The following SH3KBP1 variants were observed in gnomAD, a reference collection of about 807,000 sequenced individuals.
SH3KBP1 encodes the protein SH3 domain-containing kinase-binding protein 1.
In SH3KBP1, 8 loss-of-function variants were observed where a neutral mutation model predicts 50.1. That is an observed-to-expected ratio of 0.16 (90% CI 0.09 to 0.29). The LOEUF (loss-of-function observed/expected upper bound fraction) is 0.29, where lower values mean the gene tolerates loss of function less well. SH3KBP1 is among the 10% of genes least tolerant of loss of function. SH3KBP1 has a pLI of 1.00. For synonymous variants in SH3KBP1, 227 were observed against 218.6 expected (o/e 1.04, Z -0.34); for missense variants, 377 against 535.2 (o/e 0.70, Z 2.92).
At chrX:19,543,280 G>A (rs918452022) in intron 15 of SH3KBP1, among the ~76,000 whole-genome samples, 4 of 111,680 alleles carry the variant, frequency 3.6e-5, no homozygotes, top group East Asian at 2.8e-4. Flanking sequence ...ACCAGGCATC[G>A]AGATTGTACC....
At chrX:19,542,730 G>C (rs1166864615) in intron 15 of SH3KBP1, among the ~76,000 whole-genome samples, 2 of 112,091 alleles carry the variant, frequency 1.8e-5, no homozygotes, top group Non-Finnish European at 3.8e-5. Flanking sequence ...CCAGAGGAAA[G>C]GAGGGGCACT....
intron 4 of SH3KBP1, 51 bp downstream of exon 4, chrX:19,706,830 G>T: frequency 1.0e-6 from 1 of 988,681 alleles, no homozygotes; most frequent in Non-Finnish European, 1.4e-6. Context: ...GGTAAGCAGT[G>T]ACTATGACAG....
chrX:19,542,624 A>G (rs932490935), intron 15 of SH3KBP1, among the ~76,000 whole-genome samples: 4 of 111,405 alleles, frequency 3.6e-5, no homozygotes, highest in African/African-American at 6.5e-5. Flanking sequence ...GAGCATACAG[A>G]GCCCCAGAAA....
intron 4 of SH3KBP1, among the ~76,000 whole-genome samples, chrX:19,701,421 T>G (rs1053566868): frequency 9.0e-6 from 1 of 111,393 alleles, no homozygotes; most frequent in Non-Finnish European, 1.9e-5. Flanking sequence ...CCCATTTCAT[T>G]GCATCCACCA....
intron 10 of SH3KBP1, among the ~76,000 whole-genome samples, chrX:19,593,031 C>T: frequency 8.9e-6 from 1 of 112,209 alleles, no homozygotes; most frequent in East Asian, 2.8e-4. Flanking sequence ...TTTATGCCAC[C>T]AAATTTGGGG....
At chrX:19,753,965 G>C (rs1319463681) in intron 2 of SH3KBP1, among the ~76,000 whole-genome samples, 2 of 112,192 alleles carry the variant, frequency 1.8e-5, no homozygotes, top group African/African-American at 3.2e-5. Context: ...AAAATATGCT[G>C]ATGCTCAGAA....
Position 19,608,003 on chromosome X carries a change from T to G in SH3KBP1, c.940A>C (p.Arg314=). The G allele has an allele frequency of 8.3e-6, 10 of 1,211,670 alleles. No homozygotes were observed. The highest frequency in any genetic ancestry group is 1.1e-5 in the Non-Finnish European group (10 of 895,336). ...VGWWEGELNG[R]RGVFPDNFVK... ...AAGTTATCGGGGAACACGCCTCGTC[T>G]GCCGTTCAGCTCTCCTTCCCACCAG... Residue 314 remains arginine, a synonymous_variant, in exon 9 of 18, where the codon AGA becomes CGA. Transcript: ENST00000397821.
chrX:19,586,000 C>T (rs773709848), intron 12 of SH3KBP1, among the ~76,000 whole-genome samples: 9 of 112,233 alleles, frequency 8.0e-5, no homozygotes, highest in Admixed American at 6.6e-4. Flanking sequence ...CTCTCCCAGG[C>T]TGCTCAGATG....
intron 2 of SH3KBP1, among the ~76,000 whole-genome samples, chrX:19,748,735 A>C (rs2064990079): frequency 9.0e-6 from 1 of 110,819 alleles, no homozygotes; most frequent in African/African-American, 3.3e-5. Context: ...ATAACACCCA[A>C]GCTCAATGCA....
At chrX:19,829,809 C>T (rs1188854380) in intron 2 of SH3KBP1, among the ~76,000 whole-genome samples, 2 of 110,744 alleles carry the variant, frequency 1.8e-5, no homozygotes, top group Non-Finnish European at 3.8e-5. Flanking sequence ...CTGCCTGGAG[C>T]TGCTGGTTGC....
At chrX:19,885,142 A>G (rs1365145504) in intron 1 of SH3KBP1, among the ~76,000 whole-genome samples, 1 of 110,953 alleles carries the variant, frequency 9.0e-6, no homozygotes, top group East Asian at 2.8e-4. Context: ...AATTGCATCA[A>G]ATTGATAAAC....
chrX:19,861,886 A>G (rs889324942), intron 1 of SH3KBP1, among the ~76,000 whole-genome samples: 1 of 112,186 alleles, frequency 8.9e-6, no homozygotes, highest in Non-Finnish European at 1.9e-5. Context: ...AAACACTGTC[A>G]TAATAAACAG....
At chrX:19,614,962 C>T (rs955855225) in intron 8 of SH3KBP1, among the ~76,000 whole-genome samples, 25 of 112,051 alleles carry the variant, frequency 2.2e-4, no homozygotes, top group Non-Finnish European at 4.5e-4. Flanking sequence ...ACCCAATCTT[C>T]CTCCAGACTG....
chrX:19,784,675 TCTC>T (rs1786681016), intron 2 of SH3KBP1, among the ~76,000 whole-genome samples: 1 of 111,363 alleles, frequency 9.0e-6, no homozygotes, highest in East Asian at 2.8e-4. Context: ...AGTGGCGCGA[TCTC>T]AGCTCACTGC....
chrX:19,826,808 A>G (rs2147367221), intron 2 of SH3KBP1, among the ~76,000 whole-genome samples: 1 of 112,111 alleles, frequency 8.9e-6, no homozygotes, highest in South Asian at 3.8e-4. Flanking sequence ...GAAAACAATC[A>G]TCCATATAAT....
chrX:19,731,917 C>A (rs990952825), intron 3 of SH3KBP1, among the ~76,000 whole-genome samples: 1 of 111,796 alleles, frequency 8.9e-6, no homozygotes, highest in Admixed American at 9.5e-5. Flanking sequence ...TAAAAAAATT[C>A]ATTTAAGATC....
At chrX:19,651,844 A>C (rs916311004) in intron 6 of SH3KBP1, among the ~76,000 whole-genome samples, 1 of 112,175 alleles carries the variant, frequency 8.9e-6, no homozygotes, top group Non-Finnish European at 1.9e-5. Context: ...TCAGTCAGTC[A>C]GTCAGTCAGT....
chrX:19,667,812 A>ATTT lies in SH3KBP1; in HGVS notation c.726+16008_726+16010dup, dbSNP rs779927127. Among the ~76,000 whole-genome samples, 288 of 55,860 alleles carry ATTT rather than the reference A, an allele frequency of 5.2e-3. 15 individuals are homozygous for ATTT. The highest frequency in any genetic ancestry group is 0.023 in the African/African-American group (264 of 11,523). 48.5% of individuals were successfully genotyped at this position (55,860 alleles called of 115,157 possible). Reference sequence around the variant, plus strand: ...AAAGTCTTACTTTTGTTCTGTTGGGATTTTTTTTTTTTTTTTTTTTTTTTT... The same window carrying ATTT: ...AAAGTCTTACTTTTGTTCTGTTGGGATTTTTTTTTTTTTTTTTTTTTTTTTTTT... On this transcript the variant is annotated intron_variant, in intron 6 of 17. Transcript: ENST00000397821.
chrX:19,645,484 A>G lies in SH3KBP1; in HGVS notation c.727-9T>C, dbSNP rs755999702. On this transcript the variant is annotated splice_polypyrimidine_tract_variant and intron_variant, in intron 6 of 17. Transcript: ENST00000397821. ...AACTTCTTCCCAATAGTCTGAGGGG[A>G]AAAACAGATGATTTTACTTATCAAG... The G allele has an allele frequency of 8.8e-7, 1 of 1,139,715 alleles. No homozygotes were observed. Among genetic ancestry groups the G allele is most frequent in the Non-Finnish European group, 1.2e-6 (1 of 831,148 alleles). 93.9% of individuals were successfully genotyped at this position (1,139,715 alleles called of 1,213,427 possible).
Sources: gnomAD v4.1 joint callset for allele counts (sites outside exome capture counted in the v4.1 genomes callset) on GRCh38, gnomAD v4.1.1 for gene constraint, MANE v1.5 for transcripts, NCBI Gene and HGNC (gene_info 2026-07-23, HGNC 2026-07-21) for gene names.